Variants in UNC80 observed in about 807,000 individuals in gnomAD.
UNC80 encodes the protein protein unc-80 homolog.
A neutral mutation model predicts 384.6 loss-of-function variants in UNC80; 164 were observed. The ratio of observed to expected loss-of-function variants is 0.43; its 90% confidence interval spans 0.38 to 0.49. The LOEUF is 0.49. Among genes scored for constraint, UNC80 ranks in the 20% least tolerant of loss-of-function variants. The pLI is 0.00. For synonymous variants in UNC80, 1,486 were observed against 1,527.8 expected (o/e 0.97, Z 0.64); for missense variants, 3,330 against 4,143.0 (o/e 0.80, Z 5.39).
At chr2:209,983,209 T>C (rs943987033) in intron 60 of UNC80, among the ~76,000 whole-genome samples, 3 of 152,162 alleles carry the variant, frequency 2.0e-5, no homozygotes, top group Non-Finnish European at 2.9e-5. Context: ...CCAGTTTATA[T>C]GTAGGAATAA....
chr2:209,926,475 C>T (rs1385758867), intron 35 of UNC80, among the ~76,000 whole-genome samples: 1 of 152,132 alleles, frequency 6.6e-6, no homozygotes, highest in East Asian at 1.9e-4. Context: ...AGAAATGTTG[C>T]ATTAAAATTA....
intron 30 of UNC80, among the ~76,000 whole-genome samples, chr2:209,912,964 G>C (rs578224470): frequency 6.6e-6 from 1 of 152,180 alleles, no homozygotes; most frequent in Non-Finnish European, 1.5e-5. Context: ...TGACACTTAC[G>C]GGTTTTGGAA....
intron 12 of UNC80, 26 bp downstream of exon 12, chr2:209,819,287 A>G (rs2079972666): frequency 1.3e-6 from 2 of 1,533,654 alleles, no homozygotes. Flanking sequence ...TTTTCTTACC[A>G]AAGTTAGACA....
Position 209,929,910 on chromosome 2 carries a change from T to C in UNC80, c.5846T>C (p.Ile1949Thr). Residue 1949 changes from isoleucine (I) to threonine (T), a missense_variant, in exon 37 of 65, where the codon ATT becomes ACT. By Grantham distance (89) the Ile-to-Thr change is moderately conservative (BLOSUM62 -1). This residue lies in a region of UNC80 where 1,049 missense variants were observed against 1,488.6 expected (regional missense o/e 0.70). Transcript: ENST00000673920. ...CAACAAGTCTTATGGAACTGTCTAA[T>C]TGAAGATCCATCAACGGTTCTTCGA... is the stretch of plus-strand genomic sequence containing the variant. Reference protein sequence around the residue: ...VAQQVLWNCLIEDPSTVLRHF... With the variant: ...VAQQVLWNCLTEDPSTVLRHF... 1.3e-6 allele frequency: 2 copies of C among 1,537,790 alleles called. No individual in the cohort carries two copies. The highest frequency in any genetic ancestry group is 2.5e-5 in the East Asian group (1 of 40,362).
At chr2:209,989,289 C>T (rs2093349942) in intron 61 of UNC80, among the ~76,000 whole-genome samples, 1 of 150,920 alleles carries the variant, frequency 6.6e-6, no homozygotes, top group Non-Finnish European at 1.5e-5. Flanking sequence ...AGTGCCACTT[C>T]ACTCCAGCCT....
At chr2:209,892,466 G>A (rs148758108) in intron 26 of UNC80, among the ~76,000 whole-genome samples, 5 of 152,246 alleles carry the variant, frequency 3.3e-5, no homozygotes, top group South Asian at 2.1e-4. Context: ...TAAATAACCA[G>A]TGCCATAATT....
intron 42 of UNC80, among the ~76,000 whole-genome samples, chr2:209,938,676 GTCTCTCTCTC>G (rs10555565): frequency 0.14 from 18,975 of 137,408 alleles, 1,548 homozygotes; most frequent in African/African-American, 0.22. Flanking sequence ...CCTAGTCTCT[GTCTCTCTCTC>G]TCTCTCTCTC....
intron 22 of UNC80, among the ~76,000 whole-genome samples, chr2:209,859,383 A>G (rs1408799188): frequency 6.6e-6 from 1 of 152,190 alleles, no homozygotes; most frequent in Non-Finnish European, 1.5e-5. Flanking sequence ...TTATGGCTAC[A>G]TACTATTCCA....
intron 6 of UNC80, among the ~76,000 whole-genome samples, chr2:209,793,097 G>T (rs2077926525): frequency 6.6e-6 from 1 of 152,138 alleles, no homozygotes; most frequent in Admixed American, 6.6e-5. Context: ...CTTTAGTAAA[G>T]AATTTCACCT....
At chr2:209,879,492 G>A (rs1344464200) in intron 24 of UNC80, among the ~76,000 whole-genome samples, 1 of 152,116 alleles carries the variant, frequency 6.6e-6, no homozygotes, top group East Asian at 1.9e-4. Context: ...TAATATGATA[G>A]CCCTGAAAGA....
At chr2:209,874,166 T>C (rs1486122925) in intron 23 of UNC80, among the ~76,000 whole-genome samples, 1 of 152,234 alleles carries the variant, frequency 6.6e-6, no homozygotes, top group Non-Finnish European at 1.5e-5. Flanking sequence ...GATTCCATTG[T>C]ACTTATCCTT....
chr2:209,917,663 C>T, intron 31 of UNC80, 114 bp from the exon 32 acceptor site: 1 of 1,276,108 alleles, frequency 7.8e-7, no homozygotes, highest in Non-Finnish European at 1.1e-6. Flanking sequence ...TAGCCTAGCT[C>T]CATATAGCTC....
intron 37 of UNC80, among the ~76,000 whole-genome samples, chr2:209,930,328 A>C (rs923067689): frequency 6.6e-6 from 1 of 152,140 alleles, no homozygotes; most frequent in Non-Finnish European, 1.5e-5. Context: ...TTCATTAACC[A>C]AAAACCTGAT....
intron 31 of UNC80, among the ~76,000 whole-genome samples, chr2:209,916,585 G>A (rs1427395020): frequency 1.3e-5 from 2 of 152,076 alleles, no homozygotes; most frequent in Admixed American, 1.3e-4. Flanking sequence ...TAAACACCTA[G>A]TAGGCTAAAG....
intron 51 of UNC80, among the ~76,000 whole-genome samples, chr2:209,964,617 G>A (rs1458915721): frequency 6.6e-6 from 1 of 151,870 alleles, no homozygotes; most frequent in Non-Finnish European, 1.5e-5. Context: ...TGAAACCCTC[G>A]TCTCTACTAA....
intron 6 of UNC80, 64 bp from the exon 7 acceptor site, chr2:209,793,656 A>T (rs927277883): frequency 5.1e-6 from 8 of 1,567,324 alleles, no homozygotes; most frequent in Admixed American, 1.8e-5. Context: ...TCTAGATGAT[A>T]TAGCTACAGG....
intron 21 of UNC80, among the ~76,000 whole-genome samples, chr2:209,844,224 G>A (rs151243005): frequency 0.013 from 2,026 of 152,136 alleles, 49 homozygotes; most frequent in African/African-American, 0.044. Context: ...TGTTCTCCAG[G>A]TATGTGTCAT....
At position 209,816,991 on chromosome 2, in the gene UNC80, G is replaced by A. The variant is rs1275252527; in HGVS notation, c.1418G>A (p.Gly473Glu). Residue 473 changes from glycine to glutamate, a missense_variant, in exon 10 of 65, where the codon GGA (glycine) becomes GAA (glutamate). Around this residue, in one of 8 missense-constraint regions of UNC80, gnomAD observed 937 missense variants for 1,026.8 expected, o/e 0.91. Transcript: ENST00000673920. ...HTGKRRPRRM[G>E]VPFLLHEDHL... is the part of the protein sequence containing the mutation. Reference sequence around the variant, plus strand: ...GGCAAGAGGAGGCCACGGAGAATGGGAGTGCCCTTCCTGCTTCACGAGGAC... The same window carrying A: ...GGCAAGAGGAGGCCACGGAGAATGGAAGTGCCCTTCCTGCTTCACGAGGAC... 1.3e-6 allele frequency: 2 copies of A among 1,551,572 alleles called. No homozygotes were observed. Among genetic ancestry groups the A allele is most frequent in the Admixed American group, 3.9e-5 (2 of 50,976 alleles).
intron 18 of UNC80, among the ~76,000 whole-genome samples, chr2:209,838,737 G>A (rs1220572109): frequency 1.3e-5 from 2 of 151,992 alleles, no homozygotes; most frequent in African/African-American, 2.4e-5. Flanking sequence ...TGAGGCAGAC[G>A]GATCACGAGG....
Sources: allele counts gnomAD v4.1 joint callset (sites outside exome capture counted in the v4.1 genomes callset), GRCh38; gene constraint gnomAD v4.1.1; regional missense constraint gnomAD v4.1.1; transcripts MANE v1.5; gene names NCBI Gene and HGNC (gene_info 2026-07-23, HGNC 2026-07-21).